Variants in MAGI2 observed in about 807,000 individuals in gnomAD.
MAGI2 encodes the protein membrane-associated guanylate kinase, WW and PDZ domain-containing protein 2.
MAGI2 carries 35 observed loss-of-function variants against 133.3 expected under a neutral mutation model. That is an observed-to-expected ratio of 0.26 (90% CI 0.20 to 0.35). The LOEUF is 0.35. MAGI2 is among the 10% of genes least tolerant of loss of function. The probability of loss-of-function intolerance (pLI) is 1.00; values close to 1 mark genes in which losing one functional copy is unlikely to be tolerated. For missense variants in MAGI2, 1,636 were observed against 1,863.4 expected, an observed-to-expected ratio of 0.88 and a Z score of 2.25; for synonymous variants, 729 against 710.6, an observed-to-expected ratio of 1.03 and a Z score of -0.41.
chr7:78,952,017 T>C (rs1009281543), intron 2 of MAGI2, among the ~76,000 whole-genome samples: 1 of 152,202 alleles, frequency 6.6e-6, no homozygotes, highest in Non-Finnish European at 1.5e-5. Context: ...AGTTTTTCAA[T>C]GGCTCTTCCT....
chr7:78,644,521 T>C (rs1810640691), intron 2 of MAGI2, among the ~76,000 whole-genome samples: 1 of 152,126 alleles, frequency 6.6e-6, no homozygotes. Flanking sequence ...GGAAAAGCCT[T>C]AGATATTTGG....
At chr7:78,798,151 T>C (rs2151381068) in intron 2 of MAGI2, among the ~76,000 whole-genome samples, 1 of 152,286 alleles carries the variant, frequency 6.6e-6, no homozygotes, top group East Asian at 1.9e-4. Flanking sequence ...ATTGCTTAGA[T>C]GTAGTATTTA....
At chr7:78,541,652 C>A (rs141542368) in intron 3 of MAGI2, among the ~76,000 whole-genome samples, 8 of 152,284 alleles carry the variant, frequency 5.3e-5, no homozygotes, top group African/African-American at 1.9e-4. Flanking sequence ...GAGAAATGCA[C>A]ATTCTCAGGC....
At chr7:78,873,251 A>AGGG (rs1017997790) in intron 2 of MAGI2, among the ~76,000 whole-genome samples, 2 of 152,194 alleles carry the variant, frequency 1.3e-5, no homozygotes, top group African/African-American at 4.8e-5. Context: ...ACTATACAAC[A>AGGG]GGGGTCCCCA....
At chr7:78,224,765 A>C (rs1209090222) in intron 10 of MAGI2, among the ~76,000 whole-genome samples, 1 of 127,748 alleles carries the variant, frequency 7.8e-6, no homozygotes, top group South Asian at 2.3e-4. Context: ...TAAATAACAG[A>C]CAGTTTTCCA....
At chr7:78,135,247 C>G in intron 16 of MAGI2, 41 bp from the exon 17 acceptor site, 5 of 1,497,610 alleles carry the variant, frequency 3.3e-6, no homozygotes, top group Non-Finnish European at 4.6e-6. Flanking sequence ...GGGACATCAC[C>G]AATACATGTT....
intron 1 of MAGI2, among the ~76,000 whole-genome samples, chr7:79,361,201 C>T (rs969733715): frequency 1.3e-5 from 2 of 152,060 alleles, no homozygotes; most frequent in African/African-American, 4.8e-5. Flanking sequence ...CACAATAGAC[C>T]TTTAATGAAT....
intron 1 of MAGI2, among the ~76,000 whole-genome samples, chr7:79,081,158 T>G (rs967361331): frequency 6.6e-6 from 1 of 152,086 alleles, no homozygotes; most frequent in African/African-American, 2.4e-5. Context: ...TATGTATCAA[T>G]CTCCTTCTAA....
chr7:78,234,397 T>G (rs1352351817), intron 10 of MAGI2, among the ~76,000 whole-genome samples: 1 of 152,170 alleles, frequency 6.6e-6, no homozygotes, highest in African/African-American at 2.4e-5. Context: ...TCCATAAATG[T>G]ACCACACAAT....
intron 1 of MAGI2, among the ~76,000 whole-genome samples, chr7:79,040,310 A>G (rs992988353): frequency 5.9e-5 from 9 of 152,044 alleles, no homozygotes; most frequent in Non-Finnish European, 1.3e-4. Flanking sequence ...AGCCATTCTG[A>G]ACTGTGAGTC....
intron 21 of MAGI2, among the ~76,000 whole-genome samples, chr7:78,068,635 C>G (rs563933743): frequency 1.3e-5 from 2 of 152,268 alleles, no homozygotes; most frequent in African/African-American, 4.8e-5. Context: ...CTTATGGACT[C>G]ACCTGTTTGT....
At chr7:78,568,382 C>T (rs537897593) in intron 3 of MAGI2, 10 of 152,378 alleles carry the variant, frequency 6.6e-5, no homozygotes, top group African/African-American at 2.4e-4. Context: ...TCACAGTCAT[C>T]TCAAGCTTTG....
chr7:79,337,832 G>A (rs1840553227), intron 1 of MAGI2, among the ~76,000 whole-genome samples: 1 of 152,076 alleles, frequency 6.6e-6, no homozygotes, highest in Non-Finnish European at 1.5e-5. Context: ...GCTGCCACAT[G>A]GGTAATTGAA....
chr7:78,665,291 T>G (rs991693391), intron 2 of MAGI2, among the ~76,000 whole-genome samples: 4 of 152,130 alleles, frequency 2.6e-5, no homozygotes, highest in African/African-American at 9.7e-5. Context: ...TGAAGTAAAA[T>G]CATTATATGG....
chr7:79,384,835 T>A (rs960875281), intron 1 of MAGI2, among the ~76,000 whole-genome samples: 1 of 151,768 alleles, frequency 6.6e-6, no homozygotes, highest in Non-Finnish European at 1.5e-5. Flanking sequence ...TGTATGACTA[T>A]GGAAACTTCA....
At chr7:78,525,515 A>C (rs944153063) in intron 3 of MAGI2, among the ~76,000 whole-genome samples, 1 of 152,168 alleles carries the variant, frequency 6.6e-6, no homozygotes, top group African/African-American at 2.4e-5. Flanking sequence ...AAATATCAAA[A>C]CTGTTTTAAA....
At chr7:79,318,173 C>T (rs1838888781) in intron 1 of MAGI2, among the ~76,000 whole-genome samples, 1 of 152,076 alleles carries the variant, frequency 6.6e-6, no homozygotes, top group Non-Finnish European at 1.5e-5. Context: ...GCCCTCCAGA[C>T]CTTTGACATA....
intron 2 of MAGI2, among the ~76,000 whole-genome samples, chr7:78,634,564 A>G (rs1809425904): frequency 6.6e-6 from 1 of 152,186 alleles, no homozygotes; most frequent in Non-Finnish European, 1.5e-5. Context: ...ATATGAAATG[A>G]AGTGTTGTAC....
chr7:79,363,959 A>C (rs1276728565), intron 1 of MAGI2, among the ~76,000 whole-genome samples: 1 of 152,010 alleles, frequency 6.6e-6, no homozygotes, highest in African/African-American at 2.4e-5. Context: ...TCAAAAGAAG[A>C]CATACAAATT....
Sources: gnomAD v4.1 joint callset for allele counts (sites outside exome capture counted in the v4.1 genomes callset) on GRCh38, gnomAD v4.1.1 for gene constraint, MANE v1.5 for transcripts, NCBI Gene and HGNC (gene_info 2026-07-23, HGNC 2026-07-21) for gene names.